The following PLCB1 variants were observed in gnomAD, a reference collection of about 807,000 sequenced individuals.
PLCB1 encodes 1-phosphatidylinositol 4,5-bisphosphate phosphodiesterase beta-1.
A neutral mutation model predicts 161.8 loss-of-function variants in PLCB1; 46 were observed. That is an observed-to-expected ratio of 0.28 (90% CI 0.22 to 0.36). The LOEUF (loss-of-function observed/expected upper bound fraction) is 0.36, where lower values mean the gene tolerates loss of function less well. Among genes scored for constraint, PLCB1 ranks in the 10% least tolerant of loss-of-function variants. The pLI is 1.00. For synonymous variants in PLCB1, 517 were observed against 503.7 expected (o/e 1.03, Z -0.35); for missense variants, 1,016 against 1,472.5 (o/e 0.69, Z 5.07).
chr20:8,802,127 C>T (rs770396111), intron 31 of PLCB1: 8 of 1,612,506 alleles, frequency 5.0e-6, no homozygotes, highest in Non-Finnish European at 5.9e-6. Context: ...ACTTTACTCC[C>T]CCCAACCCTC....
At chr20:8,384,529 C>T (rs1005309061) in intron 3 of PLCB1, among the ~76,000 whole-genome samples, 3 of 151,986 alleles carry the variant, frequency 2.0e-5, no homozygotes, top group Non-Finnish European at 2.9e-5. Context: ...TCTGTCAGTT[C>T]GTCCATCTCA....
intron 3 of PLCB1, among the ~76,000 whole-genome samples, chr20:8,444,066 T>C (rs1018523092): frequency 3.9e-5 from 6 of 152,154 alleles, no homozygotes; most frequent in Admixed American, 3.9e-4. Context: ...GTACTTTAAG[T>C]TCTAGGGTAC....
chr20:8,372,284 G>A (rs960476117), intron 3 of PLCB1: 5 of 151,602 alleles, frequency 3.3e-5, no homozygotes, highest in African/African-American at 9.7e-5. Flanking sequence ...CACAACTTTT[G>A]TTTTATCTTT....
At chr20:8,235,066 T>G (rs533556909) in intron 2 of PLCB1, among the ~76,000 whole-genome samples, 2 of 152,250 alleles carry the variant, frequency 1.3e-5, no homozygotes, top group South Asian at 4.1e-4. Context: ...TTGCCTAAAT[T>G]CATGTAACTT....
At chr20:8,820,468 G>C (rs1039489310) in intron 31 of PLCB1, among the ~76,000 whole-genome samples, 1 of 152,086 alleles carries the variant, frequency 6.6e-6, no homozygotes, top group African/African-American at 2.4e-5. Context: ...AATTTTTTAA[G>C]TCTAACAATA....
intron 31 of PLCB1, among the ~76,000 whole-genome samples, chr20:8,836,917 T>A (rs1032923307): frequency 1.3e-5 from 2 of 152,178 alleles, no homozygotes; most frequent in Admixed American, 1.3e-4. Flanking sequence ...GAAAATCAAA[T>A]GCAGGATCTC....
chr20:8,729,952 G>C (rs1465630649), intron 18 of PLCB1: 1 of 151,832 alleles, frequency 6.6e-6, no homozygotes, highest in Admixed American at 6.6e-5. Context: ...ACAAAAATGT[G>C]TTATTTCACT....
At chr20:8,638,364 G>C (rs971608641) in intron 4 of PLCB1, among the ~76,000 whole-genome samples, 9 of 151,994 alleles carry the variant, frequency 5.9e-5, no homozygotes, top group African/African-American at 2.2e-4. Flanking sequence ...GGAGGAAAGG[G>C]CACAAGTGAT....
intron 31 of PLCB1, among the ~76,000 whole-genome samples, chr20:8,848,901 C>T (rs113427770): frequency 6.6e-4 from 101 of 152,378 alleles, no homozygotes; most frequent in African/African-American, 2.1e-3. Flanking sequence ...TGCTGCCTAA[C>T]ATTTCTTAGT....
chr20:8,540,289 G>T (rs148379054), intron 3 of PLCB1, among the ~76,000 whole-genome samples: 10 of 152,180 alleles, frequency 6.6e-5, no homozygotes, highest in African/African-American at 2.2e-4. Context: ...CATCTAGAAA[G>T]CAGGGTGGGA....
chr20:8,575,714 C>A (rs1306288230), intron 3 of PLCB1, among the ~76,000 whole-genome samples: 1 of 152,208 alleles, frequency 6.6e-6, no homozygotes, highest in Non-Finnish European at 1.5e-5. Flanking sequence ...AGGCTGGATT[C>A]AACTTCAGCG....
At chr20:8,149,647 T>C (rs1444032236) in intron 1 of PLCB1, among the ~76,000 whole-genome samples, 1 of 152,080 alleles carries the variant, frequency 6.6e-6, no homozygotes, top group Non-Finnish European at 1.5e-5. Context: ...TTTCTGAAAA[T>C]TGCTAAGAGA....
intron 3 of PLCB1, among the ~76,000 whole-genome samples, chr20:8,622,024 G>A (rs1028191536): frequency 3.3e-5 from 5 of 152,084 alleles, no homozygotes; most frequent in African/African-American, 9.7e-5. Context: ...TTGGGAGGCC[G>A]AGGCAGGCGG....
intron 31 of PLCB1, among the ~76,000 whole-genome samples, chr20:8,790,670 AC>A (rs1354807005): frequency 6.6e-6 from 1 of 152,204 alleles, no homozygotes; most frequent in African/African-American, 2.4e-5. Flanking sequence ...GATGCCCTGC[AC>A]CAAAATCACT....
intron 3 of PLCB1, among the ~76,000 whole-genome samples, chr20:8,627,653 C>T (rs1988394838): frequency 6.6e-6 from 1 of 152,250 alleles, no homozygotes; most frequent in African/African-American, 2.4e-5. Flanking sequence ...AGCAGGACTA[C>T]ATCTCCAAAG....
chr20:8,356,342 G>T lies in PLCB1; in HGVS notation c.178-15040G>T, dbSNP rs73591753. Among the ~76,000 whole-genome samples the T allele has an allele frequency of 5.1e-3, 781 of 152,250 alleles. 8 individuals are homozygous for T. The highest frequency in any genetic ancestry group is 0.018 in the African/African-American group (743 of 41,550). On this transcript the variant is annotated intron_variant, in intron 2 of 31. Coordinates refer to ENST00000338037, the MANE Select transcript of PLCB1 (RefSeq NM_015192.4). ...TGTAGGATTTGTTATAATGCAGATT[G>T]CTAGGTCCCAACCTCTGGAGTTTTC...
chr20:8,739,006 G>A (rs1251864649), intron 20 of PLCB1, among the ~76,000 whole-genome samples: 1 of 152,120 alleles, frequency 6.6e-6, no homozygotes, highest in East Asian at 1.9e-4. Context: ...ACAAAAATTA[G>A]TCAGGTGTGG....
chr20:8,368,011 G>T (rs911415260), intron 2 of PLCB1, among the ~76,000 whole-genome samples: 3 of 152,132 alleles, frequency 2.0e-5, no homozygotes, highest in Admixed American at 6.5e-5. Context: ...AGTGCCCTGC[G>T]GTGGTTTTCA....
chr20:8,831,904 CTTTCTT>C lies in PLCB1; in HGVS notation c.3423+41645_3423+41650del, dbSNP rs1228654455. ...TTTCTTTCTCTTTCTTTCTCCCTCT[CTTTCTT>C]TCTCTTTCTTTCTTTCTTTCTTTCT... On this transcript the variant is annotated intron_variant, in intron 31 of 31. Transcript: ENST00000338037. Among the ~76,000 whole-genome samples, 87 of 83,276 alleles carry C rather than the reference CTTTCTT, an allele frequency of 1.0e-3. 3 individuals are homozygous for C. The highest frequency in any genetic ancestry group is 3.3e-3 in the African/African-American group (85 of 25,530). The allele number at this position is 83,276 out of a possible 152,430, so 54.6% of individuals were successfully genotyped here.
Sources: allele counts gnomAD v4.1 joint callset (sites outside exome capture counted in the v4.1 genomes callset), GRCh38; gene constraint gnomAD v4.1.1; transcripts MANE v1.5; gene names NCBI Gene and HGNC (gene_info 2026-07-23, HGNC 2026-07-21).